The following ELAVL4 variants were observed in gnomAD, a reference collection of about 807,000 sequenced individuals.
The protein encoded by ELAVL4 is ELAV-like protein 4.
ELAVL4 carries 1 observed loss-of-function variant against 35.6 expected under a neutral mutation model. That is an observed-to-expected ratio of 0.03 (90% CI 0.01 to 0.13). ELAVL4 has a LOEUF of 0.13. Ranked by LOEUF, ELAVL4 falls within the 10% of genes least tolerant of loss-of-function variation. The probability of loss-of-function intolerance (pLI) is 1.00; values close to 1 mark genes in which losing one functional copy is unlikely to be tolerated. For missense variants in ELAVL4, 267 were observed against 464.9 expected (o/e 0.57, Z 3.91); for synonymous variants, 156 against 171.0 (o/e 0.91, Z 0.69).
At chr1:50,133,530 A>G (rs760047955) in intron 1 of ELAVL4, among the ~76,000 whole-genome samples, 67 of 151,646 alleles carry the variant, frequency 4.4e-4, no homozygotes, top group South Asian at 8.3e-4. Context: ...TCAAGTCAAA[A>G]TGTTCTTTTT....
At chr1:50,180,770 A>G (rs1294072912) in intron 3 of ELAVL4, 2 of 152,334 alleles carry the variant, frequency 1.3e-5, no homozygotes, top group African/African-American at 4.8e-5. Context: ...ACAGGCCAGC[A>G]GTGGAGCTCA....
chr1:50,095,383 G>T (rs1301240629), intron 1 of ELAVL4, among the ~76,000 whole-genome samples: 2 of 151,350 alleles, frequency 1.3e-5, no homozygotes, highest in Non-Finnish European at 2.9e-5. Flanking sequence ...TATATTGAGG[G>T]TTTTCATAAT....
chr1:50,189,167 G>A (rs17106004), intron 3 of ELAVL4, among the ~76,000 whole-genome samples: 5,688 of 152,240 alleles, frequency 0.037, 148 homozygotes, highest in African/African-American at 0.072. Context: ...TGCCTTTATC[G>A]TGTTTTCCAT....
intron 3 of ELAVL4, among the ~76,000 whole-genome samples, chr1:50,188,918 G>A (rs2148866436): frequency 6.6e-6 from 1 of 152,252 alleles, no homozygotes; most frequent in East Asian, 1.9e-4. Flanking sequence ...TCTCCCTGTT[G>A]GAAGCAGCCC....
At chr1:50,101,265 TA>T (rs1665962478), upstream of ELAVL4, among the ~76,000 whole-genome samples, 1 of 152,150 alleles carries the variant, frequency 6.6e-6, no homozygotes, top group Non-Finnish European at 1.5e-5. Flanking sequence ...CTACTGTATG[TA>T]AGGGGTTTTT....
chr1:50,184,507 G>A (rs1156679952), intron 3 of ELAVL4, among the ~76,000 whole-genome samples: 1 of 152,062 alleles, frequency 6.6e-6, no homozygotes, highest in Non-Finnish European at 1.5e-5. Context: ...GCCCATCCTA[G>A]TGTCTTATGT....
At chr1:50,058,587 C>T (rs780626284) in intron 1 of ELAVL4, among the ~76,000 whole-genome samples, 1 of 150,742 alleles carries the variant, frequency 6.6e-6, no homozygotes, top group African/African-American at 2.4e-5. Flanking sequence ...AATGGACCTC[C>T]GCATTAATGG....
intron 3 of ELAVL4, among the ~76,000 whole-genome samples, chr1:50,192,370 G>T (rs1314795200): frequency 6.6e-6 from 1 of 152,188 alleles, no homozygotes; most frequent in South Asian, 2.1e-4. Context: ...TGAGGGTTCT[G>T]CTCATCCTTC....
intron 1 of ELAVL4, among the ~76,000 whole-genome samples, chr1:50,089,356 C>T (rs967080823): frequency 1.6e-4 from 24 of 152,080 alleles, no homozygotes; most frequent in Admixed American, 2.6e-4. Flanking sequence ...TTTTAGATTC[C>T]AGGATGATCT....
chr1:50,157,992 G>C (rs1358714667), intron 2 of ELAVL4, among the ~76,000 whole-genome samples: 1 of 152,180 alleles, frequency 6.6e-6, no homozygotes, highest in Non-Finnish European at 1.5e-5. Context: ...AGACAGGATA[G>C]TCTAGTGATT....
intron 1 of ELAVL4, among the ~76,000 whole-genome samples, chr1:50,116,649 T>C (rs1668010892): frequency 6.6e-6 from 1 of 152,008 alleles, no homozygotes; most frequent in Non-Finnish European, 1.5e-5. Flanking sequence ...GCTCTAATGA[T>C]AAACTTTAGT....
At chr1:50,156,386 T>A (rs1675755397) in intron 2 of ELAVL4, among the ~76,000 whole-genome samples, 3 of 152,186 alleles carry the variant, frequency 2.0e-5, no homozygotes, top group Admixed American at 1.3e-4. Flanking sequence ...AGTCTATAAA[T>A]GGGTTGCTCC....
intron 1 of ELAVL4, among the ~76,000 whole-genome samples, chr1:50,075,318 C>T (rs1323869773): frequency 1.3e-5 from 2 of 152,130 alleles, no homozygotes; most frequent in African/African-American, 4.8e-5. Flanking sequence ...GAGTTTTTTC[C>T]TTCATTTTTA....
At position 50,203,704 on chromosome 1, in the gene ELAVL4, T is replaced by A. The variant is rs1644479567; in HGVS notation, c.*2526T>A. ...AAGTATTGTAAATGTTTTTTTTTCA[T>A]AATCTTGTTGTGTTTGAATTATTTG... On this transcript the variant is annotated 3_prime_UTR_variant, in exon 7 of 7. Transcript: ENST00000371824. The A allele has an allele frequency of 6.6e-6, 1 of 152,182 alleles. No individual in the cohort carries two copies. The allele number at this position is 152,182 out of a possible 1,614,324, so 9.4% of individuals were successfully genotyped here.
chr1:50,114,584 T>G (rs1045477067), intron 1 of ELAVL4, among the ~76,000 whole-genome samples: 1 of 152,050 alleles, frequency 6.6e-6, no homozygotes, highest in Non-Finnish European at 1.5e-5. Context: ...AGTACCAACA[T>G]GTGGGTCTGC....
rs1012239287 is a variant in ELAVL4 at position 50,090,803 on chromosome 1, C to T, written c.18+42621C>T. On this transcript the variant is annotated intron_variant, in intron 1 of 6. Coordinates refer to the ELAVL4 transcript ENST00000448907. ...TCACTTCCACCCACATTCCAATGGC[C>T]GGAGCTCAATCACTCAGCCCCACTG... Among the ~76,000 whole-genome samples the T allele has an allele frequency of 2.6e-5, 4 of 152,152 alleles. No homozygotes were observed. In the South Asian group the frequency reaches 8.3e-4, roughly 31 times the overall value.
intron 2 of ELAVL4, among the ~76,000 whole-genome samples, chr1:50,152,303 G>A (rs1305067330): frequency 6.6e-6 from 1 of 152,040 alleles, no homozygotes; most frequent in Non-Finnish European, 1.5e-5. Context: ...TTTTACCTAG[G>A]ATGTGAATCA....
chr1:50,186,871 G>C (rs1681909100), intron 3 of ELAVL4, among the ~76,000 whole-genome samples: 2 of 152,192 alleles, frequency 1.3e-5, no homozygotes, highest in Admixed American at 1.3e-4. Context: ...GCAGGTAGGG[G>C]AAGTGTAAAG....
intron 1 of ELAVL4, among the ~76,000 whole-genome samples, chr1:50,073,672 A>G (rs1664633505): frequency 6.6e-6 from 1 of 152,206 alleles, no homozygotes; most frequent in Non-Finnish European, 1.5e-5. Context: ...GTACACACAC[A>G]TACACACGAA....
Sources: gnomAD v4.1 joint callset for allele counts (sites outside exome capture counted in the v4.1 genomes callset) on GRCh38, gnomAD v4.1.1 for gene constraint, MANE v1.5 for transcripts, NCBI Gene and HGNC (gene_info 2026-07-23, HGNC 2026-07-21) for gene names.